The following PAX9 variants were observed in gnomAD, a reference collection of about 807,000 sequenced individuals.
PAX9 encodes the protein paired box protein Pax-9.
PAX9 carries 6 observed loss-of-function variants against 29.1 expected under a neutral mutation model. The ratio of observed to expected loss-of-function variants is 0.21; its 90% CI spans 0.11 to 0.41. The LOEUF (loss-of-function observed/expected upper bound fraction) is 0.41, where lower values mean the gene tolerates loss of function less well. Ranked by LOEUF, PAX9 falls within the 10% of genes least tolerant of loss-of-function variation. The pLI, the probability that PAX9 is intolerant of heterozygous loss-of-function variation, is 1.00. For missense variants in PAX9, 443 were observed against 479.1 expected (o/e 0.92, Z 0.70); for synonymous variants, 217 against 211.7 (o/e 1.03, Z -0.22).
chr14:36,659,258 C>T (rs1470496294), upstream of PAX9, among the ~76,000 whole-genome samples: 1 of 152,236 alleles, frequency 6.6e-6, no homozygotes, highest in Non-Finnish European at 1.5e-5. Flanking sequence ...GTTCTAGGTC[C>T]TGCATCCTTA....
At chr14:36,671,127 T>C in intron 3 of PAX9, 1 of 398,502 alleles carries the variant, frequency 2.5e-6, no homozygotes, top group African/African-American at 2.1e-5. Context: ...CTAAATCTAC[T>C]TTATTATAAA....
upstream of PAX9, chr14:36,661,830 A>T: frequency 1.8e-6 from 1 of 560,536 alleles, no homozygotes; most frequent in Non-Finnish European, 3.2e-6. Context: ...GTCCCCAGTG[A>T]GTGATAGACG....
Position 36,676,864 on chromosome 14 carries a change from A to ATTTTTT in PAX9, c.*413_*414insTTTTTT. The ATTTTTT allele has an allele frequency of 1.2e-4, 27 of 232,616 alleles. No individual in the cohort carries two copies. The highest frequency in any genetic ancestry group is 2.6e-4 in the Admixed American group (5 of 19,370). The allele number at this position is 232,616 out of a possible 1,614,324, so 14.4% of individuals were successfully genotyped here. ...CAATTGTTGAGATTTTGCAAAATCAATAAAGGAAAATACTTATAGAAAAAA... is the reference window on the plus strand; with the variant it reads ...CAATTGTTGAGATTTTGCAAAATCAATTTTTTTAAAGGAAAATACTTATAGAAAAAA... On this transcript the variant is annotated 3_prime_UTR_variant, in exon 4 of 4. Coordinates refer to ENST00000361487, the MANE Select transcript of PAX9 (RefSeq NM_001372076.1).
rs1208919777 is a variant in PAX9, at chr14:36,677,450, CAAG to C, written c.*1002_*1004del. The C allele has an allele frequency of 2.0e-5, 3 of 152,170 alleles. No individual in the cohort carries two copies. The highest frequency in any genetic ancestry group is 4.4e-5 in the Non-Finnish European group (3 of 68,014). The allele number at this position is 152,170 out of a possible 1,614,324, so 9.4% of individuals were successfully genotyped here. On this transcript the variant is annotated 3_prime_UTR_variant, in exon 4 of 4. Transcript: ENST00000361487. ...GACAAGAGGGTGGAAAATATCTGAA[CAAG>C]AAGGCTCTAAAGGAAGTCACTTAGA...
At chr14:36,661,828 T>C, upstream of PAX9, 1 of 557,276 alleles carries the variant, frequency 1.8e-6, no homozygotes, top group Non-Finnish European at 3.2e-6. Context: ...GTGTCCCCAG[T>C]GAGTGATAGA....
At chr14:36,664,568 G>GTTTTTTT (rs34440866) in intron 2 of PAX9, among the ~76,000 whole-genome samples, 4 of 141,990 alleles carry the variant, frequency 2.8e-5, no homozygotes, top group African/African-American at 1.0e-4. Flanking sequence ...CTTTTACTGA[G>GTTTTTTT]TTTTTTTTTT....
chr14:36,665,172 A>G (rs1456675473), intron 2 of PAX9, among the ~76,000 whole-genome samples: 2 of 148,838 alleles, frequency 1.3e-5, no homozygotes, highest in African/African-American at 5.0e-5. Flanking sequence ...ATAGTGAAAA[A>G]AAAAAAAAAA....
At chr14:36,658,063 C>A (rs1881099460), upstream of PAX9, among the ~76,000 whole-genome samples, 1 of 152,088 alleles carries the variant, frequency 6.6e-6, no homozygotes, top group South Asian at 2.1e-4. Context: ...TCGCCCTGGG[C>A]GCGGGGCGAG....
At chr14:36,658,672 G>C (rs1296446981), upstream of PAX9, 1 of 152,232 alleles carries the variant, frequency 6.6e-6, no homozygotes, top group East Asian at 1.9e-4. Flanking sequence ...AGTCTGCCGG[G>C]CTAGATTCCC....
Position 36,676,920 on chromosome 14 carries a change from A to G in PAX9, c.*468A>G, listed in dbSNP as rs1372115867. 1.6e-5 allele frequency: 3 copies of G among 184,658 alleles called. No individual in the cohort carries two copies. The highest frequency in any genetic ancestry group is 3.5e-5 in the Non-Finnish European group (3 of 86,346). 11.4% of individuals were successfully genotyped at this position (184,658 alleles called of 1,614,324 possible). A position where few individuals can be genotyped will look rare whatever the true frequency, so the allele number is the denominator to read the frequency against. On this transcript the variant is annotated 3_prime_UTR_variant, in exon 4 of 4. Coordinates refer to ENST00000361487, the MANE Select transcript of PAX9 (RefSeq NM_001372076.1). ...CTACACCCTCTAATCAAATATGGTA[A>G]CCAAGTAAGCTTTAATTCATCATTA...
In PAX9 at chr14:36,676,368, C is replaced by T. The variant is rs767977942; in HGVS notation, c.942C>T (p.Asn314=). The T allele has an allele frequency of 2.5e-6, 4 of 1,614,058 alleles. No homozygotes were observed. In the African/African-American group the frequency reaches 4.0e-5, roughly 16 times the overall value. Residue 314 remains asparagine (N), a synonymous_variant, in exon 4 of 4, where the codon AAC becomes AAT. Transcript: ENST00000361487. ...HAGGTSLSPH[N]CDIPASLAFK... Reference sequence around the variant, plus strand: ...GGGGCACCTCATTGTCTCCCCACAACTGTGACATTCCGGCATCGCTGGCGT... The same window carrying T: ...GGGGCACCTCATTGTCTCCCCACAATTGTGACATTCCGGCATCGCTGGCGT...
Position 36,676,301 on chromosome 14 carries a change from C to T in PAX9, c.875C>T (p.Ala292Val). ...QVSPYMTYSAAPSGYVAGHGW... is the reference protein window; with the variant it reads ...QVSPYMTYSAVPSGYVAGHGW... ...TCGCCTTACATGACCTACAGTGCTG[C>T]TCCTTCTGGTTATGTTGCTGGACAT... Residue 292 changes from alanine (A) to valine (V), a missense_variant, in exon 4 of 4, where the codon GCT (alanine) becomes GTT (valine). Around this residue, in one of 2 missense-constraint regions of PAX9, gnomAD observed 336 missense variants for 317.2 expected, o/e 1.06. Coordinates refer to ENST00000361487, the MANE Select transcript of PAX9 (RefSeq NM_001372076.1). The T allele has an allele frequency of 6.2e-7, 1 of 1,614,218 alleles. No individual in the cohort carries two copies. Among genetic ancestry groups the T allele is most frequent in the African/African-American group, 1.3e-5 (1 of 75,052 alleles).
upstream of PAX9, among the ~76,000 whole-genome samples, chr14:36,659,377 A>T (rs1594463813): frequency 6.6e-6 from 1 of 151,490 alleles, no homozygotes; most frequent in African/African-American, 2.4e-5. Context: ...GTCGCTGACT[A>T]CCTCGCCCTA....
rs1002615515 is a variant in PAX9 at position 36,679,116 on chromosome 14, G to A, written c.*2664G>A. 2.0e-6 allele frequency: 2 copies of A among 985,358 alleles called. No homozygotes were observed. The highest frequency in any genetic ancestry group is 2.4e-6 in the Non-Finnish European group (2 of 829,920). 61.0% of individuals were successfully genotyped at this position (985,358 alleles called of 1,614,324 possible). ...CCTCTATGCAGGCAGCGCTCTCATTGGATGTAAGAATATTACCTGCAAGGA... is the reference window on the plus strand; with the variant it reads ...CCTCTATGCAGGCAGCGCTCTCATTAGATGTAAGAATATTACCTGCAAGGA... On this transcript the variant is annotated 3_prime_UTR_variant, in exon 4 of 4. Transcript: ENST00000361487.
upstream of PAX9, among the ~76,000 whole-genome samples, chr14:36,660,005 T>C (rs1261265486): frequency 2.6e-5 from 4 of 152,102 alleles, no homozygotes; most frequent in East Asian, 7.7e-4. Flanking sequence ...TGCACGGAAG[T>C]AGAGCAGATT....
chr14:36,659,390 A>C (rs549306317), upstream of PAX9, among the ~76,000 whole-genome samples: 1 of 151,462 alleles, frequency 6.6e-6, no homozygotes, highest in East Asian at 1.9e-4. Context: ...TCGCCCTAGC[A>C]CTCGGTCCGC....
At chr14:36,666,962 A>G (rs7148541) in intron 3 of PAX9, among the ~76,000 whole-genome samples, 7,001 of 152,090 alleles carry the variant, frequency 0.046, 213 homozygotes, top group African/African-American at 0.082. Context: ...GGTAGAGTTA[A>G]CCAAAGAAGG....
At chr14:36,666,180 G>A (rs1385568553) in intron 2 of PAX9, 3 of 476,894 alleles carry the variant, frequency 6.3e-6, no homozygotes, top group Non-Finnish European at 1.1e-5. Flanking sequence ...GCAAAGGGGC[G>A]AAGGGAAATC....
chr14:36,662,553 T>G (rs1304579522), intron 1 of PAX9: 3 of 443,584 alleles, frequency 6.8e-6, no homozygotes, highest in African/African-American at 5.9e-5. Flanking sequence ...GCTCAAGGAC[T>G]TTAGTGAGGA....
Sources: gnomAD v4.1 joint callset for allele counts (sites outside exome capture counted in the v4.1 genomes callset) on GRCh38, gnomAD v4.1.1 for gene constraint, gnomAD v4.1.1 regional missense constraint, MANE v1.5 for transcripts, NCBI Gene and HGNC (gene_info 2026-07-23, HGNC 2026-07-21) for gene names.